The following NEB variants were observed in gnomAD, a reference collection of about 807,000 sequenced individuals.
NEB encodes nebulin.
In NEB, 512 loss-of-function variants were observed where a neutral mutation model predicts 952.2. The observed-to-expected ratio is 0.54, with a 90% CI of 0.50 to 0.58. The LOEUF is 0.58. Ranked by LOEUF, NEB falls within the 20% of genes least tolerant of loss-of-function variation. NEB has a pLI of 0.00. For missense variants in NEB, 8,428 were observed against 9,231.1 expected (o/e 0.91, Z 3.56); for synonymous variants, 2,900 against 3,149.8 (o/e 0.92, Z 2.66).
chr2:151,721,113 T>C (rs1308848583), intron 9 of NEB, among the ~76,000 whole-genome samples: 2 of 152,188 alleles, frequency 1.3e-5, no homozygotes, highest in Non-Finnish European at 2.9e-5. Context: ...TGCCTATTAA[T>C]ACTTATTACC....
At chr2:151,519,885 T>A in intron 153 of NEB, 117 bp from the exon 154 acceptor site, 2 of 659,142 alleles carry the variant, frequency 3.0e-6, no homozygotes, top group South Asian at 3.8e-5. Context: ...GATCATATAA[T>A]CTATTATCCA....
chr2:151,509,136 A>G (rs1022661983), intron 161 of NEB, among the ~76,000 whole-genome samples: 9 of 152,190 alleles, frequency 5.9e-5, no homozygotes, highest in African/African-American at 1.9e-4. Flanking sequence ...ATAAGTATTG[A>G]AATTTGTAAT....
Position 151,516,570 on chromosome 2 carries a change from A to G in NEB, c.22801-7T>C, listed in dbSNP as rs368298970. ...ACTTTTCTTTGTATTTCACCTGGTG[A>G]TAGAAAGCCATGTTAGATATCTCTC... On this transcript the variant is annotated splice_region_variant and splice_polypyrimidine_tract_variant and intron_variant, in intron 156 of 181. Transcript: ENST00000397345. 8.9e-6 allele frequency: 14 copies of G among 1,564,646 alleles called. No individual in the cohort carries two copies. The highest frequency in any genetic ancestry group is 2.2e-5 in the East Asian group (1 of 44,570).
At chr2:151,518,555 G>T in intron 155 of NEB, 133 bp from the exon 156 acceptor site, 2 of 663,866 alleles carry the variant, frequency 3.0e-6, no homozygotes, top group Admixed American at 2.5e-5. Context: ...CTAAACAGGA[G>T]GTTAAGAAAA....
In NEB at chr2:151,567,458, C is replaced by A; in HGVS notation, c.17866G>T (p.Val5956Leu). 6.2e-7 allele frequency: 1 copy of A among 1,611,532 alleles called. No homozygotes were observed. Among genetic ancestry groups the A allele is most frequent in the South Asian group, 1.1e-5 (1 of 90,696 alleles). Residue 5956 changes from valine to leucine, a missense_variant, in exon 114 of 182, where the codon GTG becomes TTG. Val to Leu is a conservative substitution (Grantham distance 32). Around this residue, in one of 11 missense-constraint regions of NEB, gnomAD observed 3,374 missense variants for 3,651.5 expected, o/e 0.92. Coordinates refer to ENST00000397345, the MANE Select transcript of NEB (RefSeq NM_001164508.2). ...QSELKYKAEH[V>L]KQKGHYVGVP... ...CCAACATAATGACCTTTTTGCTTCA[C>A]ATGTTCAGCTTTGTATTTCAGCTGG...
At chr2:151,655,710 C>T (rs1423572719) in intron 50 of NEB, 107 bp downstream of exon 50, 11 of 1,217,448 alleles carry the variant, frequency 9.0e-6, no homozygotes, top group Non-Finnish European at 1.2e-5. Context: ...AATGGTTTGC[C>T]ACAGCCTAGG....
chr2:151,510,798 A>G (rs936511590), intron 161 of NEB, among the ~76,000 whole-genome samples: 21 of 152,198 alleles, frequency 1.4e-4, no homozygotes, highest in African/African-American at 4.8e-4. Context: ...CTTGGAACAT[A>G]TCCCCCTCGG....
Position 151,503,425 on chromosome 2 carries a change from T to C in NEB, c.23759A>G (p.Asn7920Ser). The part of the protein sequence containing the change: ...KHISSVMYKE[N>S]LGTGIPTTVT... The stretch of plus-strand genomic sequence containing the variant: ...AGTGGTTGGAATGCCTGTTCCCAAG[T>C]TTTCTTTGTACATAACCTGTAGAAA... The change falls in exon 166 of 182, where the codon AAC (asparagine) becomes AGC (serine). Residue 7920 changes from asparagine (N) to serine (S), a missense_variant. Physicochemically the swap from Asn to Ser is conservative, Grantham distance 46. This residue lies in a region of NEB where 3,374 missense variants were observed against 3,651.5 expected (regional missense o/e 0.92). Transcript: ENST00000397345. 1 of 1,610,618 alleles carries C rather than the reference T, an allele frequency of 6.2e-7. No individual in the cohort carries two copies. The highest frequency in any genetic ancestry group is 8.5e-7 in the Non-Finnish European group (1 of 1,177,022).
intron 119 of NEB, 119 bp downstream of exon 119, chr2:151,563,487 A>G: frequency 1.2e-6 from 1 of 835,388 alleles, no homozygotes; most frequent in Non-Finnish European, 2.0e-6. Context: ...AATCTCAGGA[A>G]GGACCCTACG....
chr2:151,578,863 C>T (rs1403652764), intron 105 of NEB, among the ~76,000 whole-genome samples: 1 of 151,952 alleles, frequency 6.6e-6, no homozygotes, highest in Non-Finnish European at 1.5e-5. Context: ...GGGTGGATCA[C>T]CTGCGGTCAG....
intron 100 of NEB, among the ~76,000 whole-genome samples, chr2:151,584,055 C>G (rs1387034609): frequency 3.0e-5 from 2 of 67,654 alleles, no homozygotes; most frequent in African/African-American, 1.2e-4. Context: ...ACTATTATGA[C>G]TACTTCTAAT....
chr2:151,531,876 A>G lies in NEB; in HGVS notation c.21438T>C (p.Tyr7146=), dbSNP rs1576490976. ...AGGTAAATTTGTCCTTTGATTTTTC[A>G]TAGTTTTTCCTGTATTTGATCTAAA... The part of the protein sequence containing the change: ...MWSQIKYRKN[Y]EKSKDKFTSI... The change falls in exon 144 of 182, where the codon TAT becomes TAC. Residue 7146 remains tyrosine (Y), a synonymous_variant. Coordinates refer to ENST00000397345, the MANE Select transcript of NEB (RefSeq NM_001164508.2). The G allele has an allele frequency of 6.3e-7, 1 of 1,597,394 alleles. No individual in the cohort carries two copies. Among genetic ancestry groups the G allele is most frequent in the South Asian group, 1.1e-5 (1 of 89,658 alleles).
At chr2:151,544,755 C>T (rs891981545) in intron 135 of NEB, among the ~76,000 whole-genome samples, 2 of 152,160 alleles carry the variant, frequency 1.3e-5, no homozygotes, top group South Asian at 2.1e-4. Flanking sequence ...TTCAGGGCAT[C>T]GCTAAGAGCC....
chr2:151,535,718 G>A lies in NEB; in HGVS notation c.21285C>T (p.Phe7095=), dbSNP rs2153534541. The part of the protein sequence containing the change: ...YVADSPINRH[F]KYATQLMNER... ...CATTCATCAATTGAGTTGCATACTT[G>A]AAATGCCTATTGATCGGAGAGTCGG... The change falls in exon 142 of 182, where the codon TTC becomes TTT. Residue 7095 remains phenylalanine (F), a synonymous_variant. Coordinates refer to ENST00000397345, the MANE Select transcript of NEB (RefSeq NM_001164508.2). 1 of 1,608,434 alleles carries A rather than the reference G, an allele frequency of 6.2e-7. No individual in the cohort carries two copies. Among genetic ancestry groups the A allele is most frequent in the Non-Finnish European group, 8.5e-7 (1 of 1,176,808 alleles).
chr2:151,668,942 C>T, intron 39 of NEB, 85 bp downstream of exon 39: 2 of 1,003,044 alleles, frequency 2.0e-6, no homozygotes, highest in Non-Finnish European at 3.0e-6. Context: ...GAATTGCGCC[C>T]CCTACAATTC....
At position 151,667,908 on chromosome 2, in the gene NEB, G is replaced by A. The variant is rs1029805120; in HGVS notation, c.4615C>T (p.His1539Tyr). 3 of 1,605,368 alleles carry A rather than the reference G, an allele frequency of 1.9e-6. No individual in the cohort carries two copies. Among genetic ancestry groups the A allele is most frequent in the South Asian group, 1.1e-5 (1 of 89,800 alleles). ...GTTTTCTTCCAATCTGCTTTATAATGAGCCTTCAAAAAAGTAGAGGTTATT... is the reference window on the plus strand; with the variant it reads ...GTTTTCTTCCAATCTGCTTTATAATAAGCCTTCAAAAAAGTAGAGGTTATT... ...KVNALNMSDAHYKADWKKTIA... is the reference protein window; with the variant it reads ...KVNALNMSDAYYKADWKKTIA... The change falls in exon 40 of 182, where the codon CAT becomes TAT. Residue 1539 changes from histidine (H) to tyrosine (Y), a missense_variant. By Grantham distance (83) the His-to-Tyr change is moderately conservative (BLOSUM62 2). This residue lies in a region of NEB where 2,851 missense variants were observed against 2,791.5 expected (regional missense o/e 1.02). Coordinates refer to ENST00000397345, the MANE Select transcript of NEB (RefSeq NM_001164508.2).
At position 151,614,496 on chromosome 2, in the gene NEB, T is replaced by C. The variant is rs1403962831; in HGVS notation, c.11381A>G (p.His3794Arg). 3.7e-6 allele frequency: 6 copies of C among 1,613,828 alleles called. No individual in the cohort carries two copies. Among genetic ancestry groups the C allele is most frequent in the Non-Finnish European group, 5.1e-6 (6 of 1,179,860 alleles). Residue 3794 changes from histidine to arginine, a missense_variant, in exon 77 of 182, where the codon CAT becomes CGT. Physicochemically the swap from His to Arg is conservative, Grantham distance 29. Around this residue, in one of 11 missense-constraint regions of NEB, gnomAD observed 1,772 missense variants for 1,960.3 expected, o/e 0.90. Transcript: ENST00000397345. ...CCTGTCACTCTGGATCTTGGCCACA[T>C]GGATGGACCACATCATCTTCGGGTC... ...KDDPKMMWSI[H>R]VAKIQSDREY...
intron 10 of NEB, among the ~76,000 whole-genome samples, chr2:151,714,901 G>GT (rs2099755026): frequency 6.6e-6 from 1 of 152,168 alleles, no homozygotes; most frequent in African/African-American, 2.4e-5. Flanking sequence ...TGCCTCCCTT[G>GT]TTGGATGGTT....
Position 151,682,683 on chromosome 2 carries a change from TC to T in NEB, c.2921del (p.Arg974GlnfsTer83). Reference protein sequence around the residue: ...FGSLEMEKAKRASDILNEKKY... With the variant: ...FGSLEMEKAKXASDILNEKKY... ...TTACCTCATTGAGGATGTCTGAAGC[TC>T]GCTTTGCCTTTTCCATTTCTAAGGA... On this transcript the variant is annotated frameshift_variant, in exon 29 of 182. Transcript: ENST00000397345. LOFTEE classifies it high-confidence loss of function. The T allele has an allele frequency of 1.2e-6, 2 of 1,612,926 alleles. No homozygotes were observed. The highest frequency in any genetic ancestry group is 1.7e-6 in the Non-Finnish European group (2 of 1,179,318).
Sources: gnomAD v4.1 joint callset for allele counts (sites outside exome capture counted in the v4.1 genomes callset) on GRCh38, gnomAD v4.1.1 for gene constraint, gnomAD v4.1.1 regional missense constraint, MANE v1.5 for transcripts, NCBI Gene and HGNC (gene_info 2026-07-23, HGNC 2026-07-21) for gene names.